Variants in CCNY observed in about 807,000 individuals in gnomAD.
CCNY encodes the protein cyclin Y, also known as cyclin-Y.
In CCNY, 19 loss-of-function variants were observed where a neutral mutation model predicts 42.8. That is an observed-to-expected ratio of 0.44 (90% CI 0.31 to 0.65). The LOEUF (loss-of-function observed/expected upper bound fraction) is 0.65, where lower values mean the gene tolerates loss of function less well. Among genes scored for constraint, CCNY ranks in the 30% least tolerant of loss-of-function variants. The probability of loss-of-function intolerance (pLI) is 0.07; values close to 1 mark genes in which losing one functional copy is unlikely to be tolerated. For missense variants in CCNY, 370 were observed against 437.3 expected, an observed-to-expected ratio of 0.85 and a Z score of 1.37; for synonymous variants, 165 against 162.7, an observed-to-expected ratio of 1.01 and a Z score of -0.11.
intron 1 of CCNY, among the ~76,000 whole-genome samples, chr10:35,421,895 G>C (rs910163699): frequency 6.6e-6 from 1 of 152,122 alleles, no homozygotes; most frequent in Non-Finnish European, 1.5e-5. Flanking sequence ...TCAGTGTTGG[G>C]TGAATTTTAA....
intron 3 of CCNY, among the ~76,000 whole-genome samples, chr10:35,286,410 G>C (rs1835355002): frequency 6.6e-6 from 1 of 150,484 alleles, no homozygotes; most frequent in Non-Finnish European, 1.5e-5. Flanking sequence ...CCAGGCTGGA[G>C]TCCAGTGTCA....
intron 3 of CCNY, among the ~76,000 whole-genome samples, chr10:35,312,865 C>T (rs1835706585): frequency 6.6e-6 from 1 of 151,052 alleles, no homozygotes; most frequent in South Asian, 2.1e-4. Context: ...CGTCCTCCTG[C>T]CTTGCCTCCT....
At chr10:35,298,968 C>T (rs186186193) in intron 3 of CCNY, among the ~76,000 whole-genome samples, 500 of 152,228 alleles carry the variant, frequency 3.3e-3, no homozygotes, top group Non-Finnish European at 5.5e-3. Context: ...TGTTTTCATT[C>T]TTCTTAGGTA....
upstream of CCNY, among the ~76,000 whole-genome samples, chr10:35,333,888 G>T (rs1835975599): frequency 6.6e-6 from 1 of 152,086 alleles, no homozygotes; most frequent in African/African-American, 2.4e-5. Flanking sequence ...GATGAGTTGT[G>T]GGGGTCGGCA....
intron 1 of CCNY, among the ~76,000 whole-genome samples, chr10:35,370,287 G>T (rs561935678): frequency 6.6e-6 from 1 of 152,050 alleles, no homozygotes; most frequent in Non-Finnish European, 1.5e-5. Flanking sequence ...GAGTAGCTGG[G>T]ACTACAGGTG....
intron 1 of CCNY, among the ~76,000 whole-genome samples, chr10:35,354,732 CTA>C (rs1285539934): frequency 6.6e-6 from 1 of 152,078 alleles, no homozygotes; most frequent in Non-Finnish European, 1.5e-5. Context: ...GAGAGAATAA[CTA>C]TGGGATCTGA....
intron 3 of CCNY, among the ~76,000 whole-genome samples, chr10:35,329,537 A>T (rs1439747757): frequency 2.0e-5 from 3 of 152,238 alleles, no homozygotes; most frequent in African/African-American, 7.2e-5. Context: ...TTATAGTTTT[A>T]AAAAAATGCT....
intron 3 of CCNY, among the ~76,000 whole-genome samples, chr10:35,280,398 AAAGG>A (rs1389313749): frequency 1.5e-5 from 2 of 135,468 alleles, no homozygotes; most frequent in Non-Finnish European, 3.2e-5. Flanking sequence ...AGGAAGAAGG[AAAGG>A]AAGGAAGGAA....
intron 1 of CCNY, among the ~76,000 whole-genome samples, chr10:35,416,213 C>T (rs1377483094): frequency 6.8e-6 from 1 of 147,376 alleles, no homozygotes; most frequent in African/African-American, 2.6e-5. Context: ...GGTGCTACTT[C>T]TCTCCTTGCC....
chr10:35,483,777 T>A (rs1237408160), intron 2 of CCNY, among the ~76,000 whole-genome samples: 3 of 152,246 alleles, frequency 2.0e-5, no homozygotes, highest in South Asian at 4.1e-4. Flanking sequence ...GAATTGATAT[T>A]TGCATAATTT....
chr10:35,502,642 A>G (rs1441128089), intron 3 of CCNY, among the ~76,000 whole-genome samples: 1 of 152,188 alleles, frequency 6.6e-6, no homozygotes, highest in East Asian at 1.9e-4. Flanking sequence ...AGATTCTTAA[A>G]GCAATCTGTG....
At chr10:35,359,467 C>G (rs549188391) in intron 1 of CCNY, among the ~76,000 whole-genome samples, 1 of 151,936 alleles carries the variant, frequency 6.6e-6, no homozygotes, top group Admixed American at 6.6e-5. Flanking sequence ...AATATAACAT[C>G]AAATTTACCA....
At chr10:35,469,649 G>A (rs115743051) in intron 1 of CCNY, among the ~76,000 whole-genome samples, 4,724 of 151,122 alleles carry the variant, frequency 0.031, 228 homozygotes, top group African/African-American at 0.11. Context: ...GAGTCAGACA[G>A]GGCAATGGAG....
intron 3 of CCNY, among the ~76,000 whole-genome samples, chr10:35,272,279 GC>G (rs1835179606): frequency 1.3e-5 from 2 of 151,528 alleles, no homozygotes; most frequent in South Asian, 4.2e-4. Context: ...GAGCCACTGT[GC>G]CTGGCCTTTT....
chr10:35,496,677 A>C (rs1362266159), intron 2 of CCNY, among the ~76,000 whole-genome samples: 1 of 152,190 alleles, frequency 6.6e-6, no homozygotes, highest in Non-Finnish European at 1.5e-5. Flanking sequence ...TAAAAAAGAA[A>C]AAAATTGGAA....
chr10:35,449,730 G>C (rs1232431205), intron 1 of CCNY: 2 of 984,938 alleles, frequency 2.0e-6, no homozygotes, highest in African/African-American at 3.5e-5. Flanking sequence ...GGTGCAGGGA[G>C]CAGAGATGGC....
At chr10:35,385,091 G>A (rs1837275165) in intron 1 of CCNY, among the ~76,000 whole-genome samples, 1 of 152,196 alleles carries the variant, frequency 6.6e-6, no homozygotes, top group South Asian at 2.1e-4. Context: ...GAGTGTGGCA[G>A]AAAGATAGTA....
chr10:35,282,769 G>T (rs1835312928), intron 3 of CCNY, among the ~76,000 whole-genome samples: 5 of 151,664 alleles, frequency 3.3e-5, no homozygotes, highest in Middle Eastern at 3.4e-3. Flanking sequence ...AAGAAAATGG[G>T]GCTGTGGTGG....
At chr10:35,558,504 C>CGA (rs1841404556) in intron 8 of CCNY, among the ~76,000 whole-genome samples, 1 of 152,234 alleles carries the variant, frequency 6.6e-6, no homozygotes, top group East Asian at 1.9e-4. Flanking sequence ...AGATGCTATT[C>CGA]ATGACATGGG....
Sources: gnomAD v4.1 joint callset for allele counts (sites outside exome capture counted in the v4.1 genomes callset) on GRCh38, gnomAD v4.1.1 for gene constraint, MANE v1.5 for transcripts, NCBI Gene and HGNC (gene_info 2026-07-23, HGNC 2026-07-21) for gene names.